The following LSS variants were observed in gnomAD, a reference collection of about 807,000 sequenced individuals.
LSS encodes lanosterol synthase.
A neutral mutation model predicts 110.3 loss-of-function variants in LSS; 90 were observed. The ratio of observed to expected loss-of-function variants is 0.82; its 90% CI spans 0.69 to 0.97. LSS has a LOEUF of 0.97. Among genes scored for constraint, LSS ranks in the 50% least tolerant of loss-of-function variants. LSS has a pLI of 0.00. For missense variants in LSS, 927 were observed against 990.0 expected, an observed-to-expected ratio of 0.94 and a Z score of 0.85; for synonymous variants, 433 against 400.0, an observed-to-expected ratio of 1.08 and a Z score of -0.98.
At chr21:46,200,022 G>T (rs1439214056) in intron 17 of LSS, among the ~76,000 whole-genome samples, 3 of 152,200 alleles carry the variant, frequency 2.0e-5, no homozygotes, top group Non-Finnish European at 4.4e-5. Flanking sequence ...GGGAAGGTGC[G>T]AGGAGTTAGC....
intron 4 of LSS, chr21:46,222,335 G>A: frequency 1.9e-6 from 1 of 534,416 alleles, no homozygotes; most frequent in Non-Finnish European, 3.3e-6. Flanking sequence ...TGCCAGCCCA[G>A]AGTCAAGGGC....
chr21:46,207,565 A>AG lies in LSS; in HGVS notation c.1329dup (p.Phe444LeufsTer12). 6.2e-7 allele frequency: 1 copy of AG among 1,607,554 alleles called. No homozygotes were observed. Among genetic ancestry groups the AG allele is most frequent in the East Asian group, 2.2e-5 (1 of 44,638 alleles). On this transcript the variant is annotated frameshift_variant, in exon 15 of 22. Transcript: ENST00000397728. LOFTEE classifies it high-confidence loss of function. ...ATCCAGCCGCAGTCCAGCGTACTGA[A>AG]GGAGAAGCCACCCTGCAGAGCACAA... is the stretch of plus-strand genomic sequence containing the variant.
intron 12 of LSS, 136 bp downstream of exon 12, chr21:46,210,552 G>A: frequency 1.1e-6 from 1 of 896,096 alleles, no homozygotes; most frequent in South Asian, 1.5e-5. Context: ...TCTGAAGCCA[G>A]AGGCCAGAGC....
intron 9 of LSS, among the ~76,000 whole-genome samples, chr21:46,214,209 C>T (rs141655883): frequency 1.6e-4 from 25 of 152,312 alleles, no homozygotes; most frequent in African/African-American, 5.3e-4. Context: ...GGAAGAGATG[C>T]GAAGACAGGA....
chr21:46,198,288 A>C (rs2079935200), intron 17 of LSS, among the ~76,000 whole-genome samples: 1 of 150,934 alleles, frequency 6.6e-6, no homozygotes, highest in South Asian at 2.1e-4. Flanking sequence ...AAAAAGGGTC[A>C]GTTGTTTTCC....
chr21:46,211,109 G>A (rs984936180), intron 11 of LSS, among the ~76,000 whole-genome samples: 12 of 152,300 alleles, frequency 7.9e-5, no homozygotes, highest in African/African-American at 2.6e-4. Context: ...CTCAGTCATG[G>A]TGATGCCTGG....
At chr21:46,208,178 A>C in intron 14 of LSS, 73 bp downstream of exon 14, 2 of 1,423,864 alleles carry the variant, frequency 1.4e-6, no homozygotes, top group African/African-American at 2.8e-5. Context: ...CCCCCTTCAG[A>C]GGGAAGGACC....
rs1460503278 is a variant in LSS at position 46,191,862 on chromosome 21, C to CA, written c.2067+18dup. 1 of 1,608,538 alleles carries CA rather than the reference C, an allele frequency of 6.2e-7. No homozygotes were observed. The highest frequency in any genetic ancestry group is 8.5e-7 in the Non-Finnish European group (1 of 1,176,928). ...AGGTCAGTGCTGGGCCTTGTGCGCT[C>CA]AGGTCCCTGGCGGCATACCTGCGGC... On this transcript the variant is annotated intron_variant, in intron 21 of 21. Coordinates refer to ENST00000397728, the MANE Select transcript of LSS (RefSeq NM_002340.6).
At chr21:46,227,790 G>A (rs1167259620) in intron 2 of LSS, 100 bp from the exon 3 acceptor site, 8 of 1,352,702 alleles carry the variant, frequency 5.9e-6, no homozygotes, top group Non-Finnish European at 8.2e-6. Flanking sequence ...AACAGTGAAT[G>A]TAAATTACTT....
At chr21:46,213,185 C>T in intron 10 of LSS, 133 bp from the exon 11 acceptor site, 1 of 822,950 alleles carries the variant, frequency 1.2e-6, no homozygotes, top group Non-Finnish European at 2.0e-6. Context: ...GGCCTGGATG[C>T]CACCCCAGCT....
intron 13 of LSS, among the ~76,000 whole-genome samples, chr21:46,208,990 G>A (rs545983618): frequency 2.0e-5 from 3 of 152,220 alleles, no homozygotes; most frequent in African/African-American, 4.8e-5. Flanking sequence ...GGCCGTGGCC[G>A]GGACAGGGTG....
intron 16 of LSS, 149 bp downstream of exon 16, chr21:46,206,523 C>A (rs2080050355): frequency 1.0e-5 from 7 of 689,126 alleles, no homozygotes; most frequent in Non-Finnish European, 1.8e-5. Context: ...GCAGAACAGC[C>A]TGGGCTGAGG....
At chr21:46,213,095 T>G in intron 10 of LSS, 43 bp from the exon 11 acceptor site, 1 of 1,602,240 alleles carries the variant, frequency 6.2e-7, no homozygotes, top group East Asian at 2.2e-5. Flanking sequence ...AGGAGAAAGC[T>G]GGAAGCCCAG....
At chr21:46,191,986 C>T in intron 20 of LSS, 27 bp from the exon 21 acceptor site, 2 of 1,543,698 alleles carry the variant, frequency 1.3e-6, no homozygotes, top group Non-Finnish European at 1.8e-6. Flanking sequence ...CTGAAACACA[C>T]CCAGCATGCA....
intron 5 of LSS, among the ~76,000 whole-genome samples, chr21:46,220,841 GGGGCTTGGAGAGGTAGCCAGGCCA>G (rs2080269054): frequency 6.8e-6 from 1 of 146,074 alleles, no homozygotes; most frequent in Non-Finnish European, 1.5e-5. Context: ...TGGACAGCCT[GGGGCTTGGAGAGGTAGCCAGGCCA>G]GGGCTTGGAG....
chr21:46,205,926 T>C lies in LSS; in HGVS notation c.1580A>G (p.Asp527Gly). The change falls in exon 17 of 22, where the codon GAC becomes GGC. Residue 527 changes from aspartate to glycine, a missense_variant. Coordinates refer to ENST00000397728, the MANE Select transcript of LSS (RefSeq NM_002340.6). ...PSEVFGDIMI[D>G]YTYVECTSAV... ...TGAGGTGCACTCCACATAGGTGTAG[T>C]CAATCATGATGTCCCCTGGGAAAGG... 1 of 1,608,522 alleles carries C rather than the reference T, an allele frequency of 6.2e-7. No individual in the cohort carries two copies. Among genetic ancestry groups the C allele is most frequent in the Non-Finnish European group, 8.5e-7 (1 of 1,177,376 alleles).
intron 20 of LSS, chr21:46,193,144 T>C (rs369541129): frequency 7.2e-5 from 32 of 444,972 alleles, no homozygotes; most frequent in Non-Finnish European, 1.1e-4. Flanking sequence ...CGTGTGTGCA[T>C]AGACCTGTGT....
At chr21:46,208,410 G>C (rs1322422541) in intron 13 of LSS, 109 bp from the exon 14 acceptor site, 4 of 998,556 alleles carry the variant, frequency 4.0e-6, no homozygotes, top group African/African-American at 1.6e-5. Context: ...GGCAGAACGT[G>C]CCTGGGAGCT....
intron 8 of LSS, 94 bp from the exon 9 acceptor site, chr21:46,215,392 A>G (rs1601439166): frequency 3.7e-6 from 2 of 542,312 alleles, no homozygotes; most frequent in Non-Finnish European, 6.0e-6. Context: ...TGCCCTTCCC[A>G]GGGTTTCCCC....
Sources: allele counts gnomAD v4.1 joint callset (sites outside exome capture counted in the v4.1 genomes callset), GRCh38; gene constraint gnomAD v4.1.1; transcripts MANE v1.5; gene names NCBI Gene and HGNC (gene_info 2026-07-23, HGNC 2026-07-21).